The following SIK3 variants were observed in gnomAD, a reference collection of about 807,000 sequenced individuals.
SIK3 encodes the protein serine/threonine-protein kinase SIK3.
Under a neutral mutation model 144.2 loss-of-function variants are expected in SIK3, and 28 were observed. The observed-to-expected ratio is 0.19, with a 90% CI of 0.14 to 0.27. The LOEUF (loss-of-function observed/expected upper bound fraction) is 0.27, where lower values mean the gene tolerates loss of function less well. Ranked by LOEUF, SIK3 falls within the 10% of genes least tolerant of loss-of-function variation. The probability of loss-of-function intolerance (pLI) is 1.00; values close to 1 mark genes in which losing one functional copy is unlikely to be tolerated. For missense variants in SIK3, 1,319 were observed against 1,776.0 expected (o/e 0.74, Z 4.62); for synonymous variants, 686 against 676.3 (o/e 1.01, Z -0.22).
intron 3 of SIK3, among the ~76,000 whole-genome samples, chr11:116,934,145 T>G (rs1288306638): frequency 6.6e-6 from 1 of 152,232 alleles, no homozygotes; most frequent in Non-Finnish European, 1.5e-5. Flanking sequence ...CCCTACTTAG[T>G]TGGTGTACTA....
chr11:117,086,558 G>A (rs145095549), intron 1 of SIK3, among the ~76,000 whole-genome samples: 6,862 of 152,034 alleles, frequency 0.045, 518 homozygotes, highest in African/African-American at 0.16. Context: ...GGGTGTGGTG[G>A]TGGGCGCCCG....
At chr11:116,973,703 T>C (rs1949845449) in intron 1 of SIK3, among the ~76,000 whole-genome samples, 1 of 152,200 alleles carries the variant, frequency 6.6e-6, no homozygotes, top group South Asian at 2.1e-4. Context: ...GTTGATAGTA[T>C]GTGCCCTTGG....
At chr11:116,945,874 A>G (rs1948564867) in intron 3 of SIK3, among the ~76,000 whole-genome samples, 1 of 152,164 alleles carries the variant, frequency 6.6e-6, no homozygotes, top group South Asian at 2.1e-4. Context: ...TCCTCCCTGC[A>G]GCTAATTTCA....
intron 1 of SIK3, among the ~76,000 whole-genome samples, chr11:117,015,589 T>C (rs948038618): frequency 2.0e-5 from 3 of 151,682 alleles, no homozygotes; most frequent in Admixed American, 1.3e-4. Context: ...TTTTTTTTTT[T>C]TTGAGACGTT....
chr11:116,915,082 T>C (rs940766138), intron 4 of SIK3, among the ~76,000 whole-genome samples: 1 of 151,588 alleles, frequency 6.6e-6, no homozygotes, highest in Non-Finnish European at 1.5e-5. Context: ...AGAAAAAGTA[T>C]TTATTTAAAA....
At chr11:116,990,343 C>G (rs547587301) in intron 1 of SIK3, among the ~76,000 whole-genome samples, 1 of 152,212 alleles carries the variant, frequency 6.6e-6, no homozygotes, top group East Asian at 1.9e-4. Flanking sequence ...AGAGCACTCC[C>G]CAGTTCAAAG....
chr11:116,979,600 A>T (rs1420422426), intron 1 of SIK3, among the ~76,000 whole-genome samples: 1 of 152,220 alleles, frequency 6.6e-6, no homozygotes, highest in East Asian at 1.9e-4. Flanking sequence ...TAATCCCAGC[A>T]CTGTGGGAGG....
intron 3 of SIK3, among the ~76,000 whole-genome samples, chr11:116,945,174 T>C (rs1203680518): frequency 1.3e-5 from 2 of 151,984 alleles, no homozygotes; most frequent in Non-Finnish European, 2.9e-5. Flanking sequence ...TTAGCCAGGA[T>C]GTTCTCAATC....
chr11:116,990,657 C>T (rs1317058615), intron 1 of SIK3, among the ~76,000 whole-genome samples: 5 of 152,148 alleles, frequency 3.3e-5, no homozygotes, highest in African/African-American at 7.2e-5. Context: ...CTCCAGGCTT[C>T]GTATTTCCAA....
intron 6 of SIK3, among the ~76,000 whole-genome samples, chr11:116,888,085 G>A (rs565495390): frequency 6.6e-6 from 1 of 152,164 alleles, no homozygotes; most frequent in African/African-American, 2.4e-5. Flanking sequence ...CCACACAGCT[G>A]TATGTAGCTA....
chr11:117,066,631 G>A (rs1215276161), intron 1 of SIK3, among the ~76,000 whole-genome samples: 1 of 151,422 alleles, frequency 6.6e-6, no homozygotes, highest in African/African-American at 2.4e-5. Context: ...AAACAGCTAG[G>A]CTCAAGTGAT....
chr11:117,008,634 C>CAG (rs966748159), intron 1 of SIK3, among the ~76,000 whole-genome samples: 5 of 152,136 alleles, frequency 3.3e-5, no homozygotes, highest in Non-Finnish European at 7.3e-5. Flanking sequence ...ATATTAATCT[C>CAG]AAACTCCAGA....
chr11:116,931,366 T>A (rs1297133223), intron 3 of SIK3, among the ~76,000 whole-genome samples: 1 of 152,204 alleles, frequency 6.6e-6, no homozygotes, highest in East Asian at 1.9e-4. Flanking sequence ...CAGAAGCCAG[T>A]CTTACCTTCC....
At chr11:116,878,850 A>G (rs1274342743) in intron 6 of SIK3, among the ~76,000 whole-genome samples, 1 of 152,178 alleles carries the variant, frequency 6.6e-6, no homozygotes, top group Non-Finnish European at 1.5e-5. Flanking sequence ...CTTGTCATTC[A>G]GGTAAGAGTT....
chr11:117,036,163 C>T, intron 1 of SIK3: 1 of 470,666 alleles, frequency 2.1e-6, no homozygotes, highest in Non-Finnish European at 3.7e-6. Flanking sequence ...TCAAGCAATC[C>T]TTTCATCTCA....
chr11:116,923,748 T>C (rs1321630090), intron 4 of SIK3, among the ~76,000 whole-genome samples: 2 of 152,224 alleles, frequency 1.3e-5, no homozygotes, highest in African/African-American at 4.8e-5. Flanking sequence ...CCAAAGTATA[T>C]GTGTTAACAC....
At chr11:117,005,198 T>C (rs538623405) in intron 1 of SIK3, among the ~76,000 whole-genome samples, 1 of 151,994 alleles carries the variant, frequency 6.6e-6, no homozygotes, top group South Asian at 2.1e-4. Flanking sequence ...ATCCCAGCAC[T>C]TTGGGAGGCT....
At chr11:116,853,862 C>T (rs1026603380) in intron 21 of SIK3, among the ~76,000 whole-genome samples, 1 of 152,130 alleles carries the variant, frequency 6.6e-6, no homozygotes, top group Non-Finnish European at 1.5e-5. Context: ...CCTTGTTTTT[C>T]CTTCTAGGGT....
chr11:117,012,255 T>A (rs1951293492), intron 1 of SIK3, among the ~76,000 whole-genome samples: 1 of 152,192 alleles, frequency 6.6e-6, no homozygotes, highest in South Asian at 2.1e-4. Flanking sequence ...ATTATAGGCA[T>A]GAGCCACCAT....
Sources: gnomAD v4.1 joint callset for allele counts (sites outside exome capture counted in the v4.1 genomes callset) on GRCh38, gnomAD v4.1.1 for gene constraint, MANE v1.5 for transcripts, NCBI Gene and HGNC (gene_info 2026-07-23, HGNC 2026-07-21) for gene names.